SVIL: variants seen among roughly 807,000 people sequenced by gnomAD.
SVIL encodes the protein supervillin, also known as archvillin.
A neutral mutation model predicts 240.4 loss-of-function variants in SVIL; 101 were observed. That is an observed-to-expected ratio of 0.42 (90% CI 0.36 to 0.50). The LOEUF (loss-of-function observed/expected upper bound fraction) is 0.50. Ranked by LOEUF, SVIL falls within the 20% of genes least tolerant of loss-of-function variation. SVIL has a pLI of 0.01. For missense variants in SVIL, 2,512 were observed against 2,818.7 expected (o/e 0.89, Z 2.46); for synonymous variants, 999 against 1,100.0 (o/e 0.91, Z 1.82).
intron 1 of SVIL, among the ~76,000 whole-genome samples, chr10:29,717,952 A>T (rs7900983): frequency 0.17 from 25,964 of 152,208 alleles, 2,446 homozygotes; most frequent in East Asian, 0.27. Flanking sequence ...AAAATGTCTC[A>T]TTAATATTTT....
At chr10:29,618,895 C>CA (rs1291097841) in intron 1 of SVIL, among the ~76,000 whole-genome samples, 2 of 152,150 alleles carry the variant, frequency 1.3e-5, no homozygotes, top group African/African-American at 4.8e-5. Context: ...TAATTTTCAG[C>CA]AAACACCTTA....
chr10:29,475,560 AG>A (rs570798025), intron 29 of SVIL: 91 of 152,426 alleles, frequency 6.0e-4, no homozygotes, highest in African/African-American at 2.2e-3. Flanking sequence ...AGAGACAAGA[AG>A]GTGACGCCAG....
At chr10:29,630,441 C>T (rs1958041585) in intron 1 of SVIL, among the ~76,000 whole-genome samples, 1 of 152,214 alleles carries the variant, frequency 6.6e-6, no homozygotes, top group East Asian at 1.9e-4. Context: ...TAGGGAGTGT[C>T]TCTAAGAGGG....
chr10:29,616,801 C>A (rs753417826), intron 1 of SVIL, among the ~76,000 whole-genome samples: 2 of 152,212 alleles, frequency 1.3e-5, no homozygotes, highest in Non-Finnish European at 2.9e-5. Flanking sequence ...CTGCTCACTG[C>A]AACCTCTGCC....
intron 2 of SVIL, among the ~76,000 whole-genome samples, chr10:29,686,027 T>C (rs1400114599): frequency 6.6e-6 from 1 of 152,216 alleles, no homozygotes; most frequent in East Asian, 1.9e-4. Flanking sequence ...TTCCACCCAT[T>C]GGCCCTAGGA....
At chr10:29,668,736 A>G (rs749553694) in intron 2 of SVIL, among the ~76,000 whole-genome samples, 4 of 152,198 alleles carry the variant, frequency 2.6e-5, no homozygotes, top group Non-Finnish European at 4.4e-5. Flanking sequence ...GGCCTCCCTG[A>G]GGGTTGGGAT....
At chr10:29,670,656 A>ACT (rs61563977) in intron 2 of SVIL, among the ~76,000 whole-genome samples, 1 of 151,834 alleles carries the variant, frequency 6.6e-6, no homozygotes, top group Non-Finnish European at 1.5e-5. Flanking sequence ...GGTTCAGGAA[A>ACT]CTCTGAGTTT....
intron 32 of SVIL, chr10:29,468,844 A>G (rs754320038): frequency 3.3e-5 from 5 of 152,146 alleles, no homozygotes; most frequent in Non-Finnish European, 7.3e-5. Flanking sequence ...ATCACATCTA[A>G]TGTGTCATGA....
intron 34 of SVIL, 92 bp from the exon 35 acceptor site, chr10:29,463,727 C>CT (rs1355461695): frequency 1.3e-6 from 2 of 1,521,804 alleles, no homozygotes; most frequent in East Asian, 4.6e-5. Flanking sequence ...TGTTGTCCCT[C>CT]TTGACTGCAG....
intron 14 of SVIL, 129 bp from the exon 15 acceptor site, chr10:29,524,156 C>T (rs1279707764): frequency 1.9e-6 from 2 of 1,039,254 alleles, no homozygotes; most frequent in Non-Finnish European, 2.7e-6. Context: ...TAGTGGAAAA[C>T]CATTCCTGGA....
At chr10:29,658,755 T>TA (rs1415123642) in intron 2 of SVIL, among the ~76,000 whole-genome samples, 3 of 152,052 alleles carry the variant, frequency 2.0e-5, no homozygotes, top group Non-Finnish European at 4.4e-5. Flanking sequence ...ACCCTGTCTT[T>TA]AAAAAAATTA....
chr10:29,465,128 G>T (rs1944744143), intron 34 of SVIL, among the ~76,000 whole-genome samples: 1 of 152,212 alleles, frequency 6.6e-6, no homozygotes, highest in Non-Finnish European at 1.5e-5. Flanking sequence ...AGTCTGCTGG[G>T]GGCTTCTGGG....
chr10:29,625,452 C>CAT (rs1195726379), intron 1 of SVIL, among the ~76,000 whole-genome samples: 10 of 151,500 alleles, frequency 6.6e-5, no homozygotes, highest in Middle Eastern at 3.4e-3. Context: ...CTCAAGTATA[C>CAT]ATATATATAT....
intron 29 of SVIL, among the ~76,000 whole-genome samples, chr10:29,479,404 G>C (rs1946578934): frequency 6.6e-6 from 1 of 152,196 alleles, no homozygotes; most frequent in South Asian, 2.1e-4. Context: ...GTCTCAGGGA[G>C]CCCAGTAGGC....
At chr10:29,635,483 G>T (rs1958277514), upstream of SVIL, among the ~76,000 whole-genome samples, 1 of 152,170 alleles carries the variant, frequency 6.6e-6, no homozygotes, top group Admixed American at 6.5e-5. Flanking sequence ...TGTGCTGGAA[G>T]TACTTTCTCG....
chr10:29,581,050 G>C (rs1159140013), intron 1 of SVIL, among the ~76,000 whole-genome samples: 1 of 152,192 alleles, frequency 6.6e-6, no homozygotes, highest in Non-Finnish European at 1.5e-5. Flanking sequence ...CCAAAATCAA[G>C]AAGTGCTATG....
chr10:29,462,190 G>T (rs1250541569), intron 36 of SVIL, 87 bp downstream of exon 36: 2 of 1,468,152 alleles, frequency 1.4e-6, no homozygotes, highest in African/African-American at 1.4e-5. Flanking sequence ...CTCTGAAAGT[G>T]CAATTGGATG....
intron 31 of SVIL, 98 bp downstream of exon 31, chr10:29,471,040 C>T (rs1945516986): frequency 1.8e-6 from 2 of 1,141,442 alleles, no homozygotes; most frequent in South Asian, 2.6e-5. Context: ...CGAGCCACAG[C>T]TAGATGAAGA....
intron 5 of SVIL, among the ~76,000 whole-genome samples, chr10:29,552,738 C>T (rs913036): frequency 0.51 from 77,726 of 151,700 alleles, 20,151 homozygotes; most frequent in African/African-American, 0.59. Context: ...TTTCTTTAAA[C>T]TAAACAGGTG....
Sources: allele counts gnomAD v4.1 joint callset (sites outside exome capture counted in the v4.1 genomes callset), GRCh38; gene constraint gnomAD v4.1.1; transcripts MANE v1.5; gene names NCBI Gene and HGNC (gene_info 2026-07-23, HGNC 2026-07-21).